Variants in ACSM2A observed in about 807,000 individuals in gnomAD.
ACSM2A encodes acyl-coenzyme A synthetase ACSM2A, mitochondrial.
Under a neutral mutation model 76.6 loss-of-function variants are expected in ACSM2A, and 72 were observed. The observed-to-expected ratio is 0.94, with a 90% CI of 0.78 to 1.14. ACSM2A has a LOEUF of 1.14. Ranked by LOEUF, ACSM2A falls within the 50% of genes most tolerant of loss-of-function variation. The probability of loss-of-function intolerance (pLI) is 0.00; values close to 1 mark genes in which losing one functional copy is unlikely to be tolerated. For missense variants in ACSM2A, 684 were observed against 708.5 expected (o/e 0.97, Z 0.39); for synonymous variants, 249 against 255.9 (o/e 0.97, Z 0.26).
intron 1 of ACSM2A, among the ~76,000 whole-genome samples, chr16:20,456,854 C>A (rs984189387): frequency 1.4e-5 from 2 of 146,020 alleles, no homozygotes; most frequent in South Asian, 2.2e-4. Flanking sequence ...ATAAATGAAA[C>A]AAAATCTGGT....
At chr16:20,464,671 T>G (rs1253322414) in intron 2 of ACSM2A, among the ~76,000 whole-genome samples, 1 of 152,132 alleles carries the variant, frequency 6.6e-6, no homozygotes, top group African/African-American at 2.4e-5. Flanking sequence ...CATTGGGGAT[T>G]GCATTTCAAC....
At chr16:20,469,870 G>T (rs1596657089) in intron 4 of ACSM2A, 151 bp downstream of exon 4, 62 of 616,344 alleles carry the variant, frequency 1.0e-4, no homozygotes, top group Non-Finnish European at 1.3e-4. Context: ...TAACACAAGG[G>T]TATTTTTTTT....
At position 20,480,833 on chromosome 16, in the gene ACSM2A, G is replaced by C; in HGVS notation, c.1421G>C (p.Gly474Ala). 1 of 1,613,948 alleles carries C rather than the reference G, an allele frequency of 6.2e-7. No individual in the cohort carries two copies. The highest frequency in any genetic ancestry group is 8.5e-7 in the Non-Finnish European group (1 of 1,179,866). The change falls in exon 12 of 14, where the codon GGA becomes GCA. Residue 474 changes from glycine (G) to alanine (A), a missense_variant. This residue lies in a region of ACSM2A where 159 missense variants were observed against 132.5 expected (regional missense o/e 1.20). Coordinates refer to ENST00000573854, the MANE Select transcript of ACSM2A (RefSeq NM_001308172.2). ...DIINSSGYRI[G>A]PSEVENALME... ...AGGTTCTTCTGCAGGTACCGGATTG[G>C]ACCCTCGGAGGTAGAGAATGCACTG...
chr16:20,455,093 A>G (rs952125361), intron 1 of ACSM2A, among the ~76,000 whole-genome samples: 1 of 125,824 alleles, frequency 7.9e-6, no homozygotes, highest in Non-Finnish European at 1.6e-5. Flanking sequence ...AATCCAACAA[A>G]GACAAAGAAA....
chr16:20,467,829 A>G (rs1169516019), intron 3 of ACSM2A, among the ~76,000 whole-genome samples: 2 of 152,182 alleles, frequency 1.3e-5, no homozygotes, highest in African/African-American at 2.4e-5. Flanking sequence ...AGAATCATCA[A>G]CTTTTACATT....
intron 8 of ACSM2A, chr16:20,476,334 C>A (rs1175601135): frequency 6.1e-6 from 6 of 975,822 alleles, no homozygotes; most frequent in African/African-American, 5.3e-5. Context: ...ATGGGGAATA[C>A]TTTTCCCCAA....
chr16:20,456,408 C>T (rs963074320), intron 1 of ACSM2A, among the ~76,000 whole-genome samples: 1 of 144,196 alleles, frequency 6.9e-6, no homozygotes. Flanking sequence ...GGCCACAAAA[C>T]AAGTCTCAAT....
In ACSM2A at chr16:20,465,517, G is replaced by A. The variant is rs750212713; in HGVS notation, c.178G>A (p.Ala60Thr). ...ATCAACAGGGCTTCTCTTTCCTCAG[G>A]CTGGCAAGCGACTCCCAAGCCCAGC... ...VLDHWADMEK[A>T]GKRLPSPALW... Residue 60 changes from alanine (A) to threonine (T), a missense_variant and splice_region_variant, in exon 3 of 14, where the codon GCT becomes ACT. Around this residue, in one of 3 missense-constraint regions of ACSM2A, gnomAD observed 519 missense variants for 549.5 expected, o/e 0.94. Transcript: ENST00000573854. 4 of 1,613,844 alleles carry A rather than the reference G, an allele frequency of 2.5e-6. No individual in the cohort carries two copies. The East Asian group carries it at 6.7e-5, about 27-fold the overall frequency.
chr16:20,469,867 AG>A (rs2013270554), intron 4 of ACSM2A, 148 bp downstream of exon 4: 66 of 869,268 alleles, frequency 7.6e-5, no homozygotes, highest in East Asian at 5.3e-4. Context: ...AGCTAACACA[AG>A]GGTATTTTTT....
At chr16:20,458,899 T>C (rs1450893598) in intron 1 of ACSM2A, among the ~76,000 whole-genome samples, 2 of 52,012 alleles carry the variant, frequency 3.8e-5, no homozygotes, top group Non-Finnish European at 6.1e-5. Flanking sequence ...ATATTATATA[T>C]ATATGCATAT....
At position 20,485,668 on chromosome 16, in the gene ACSM2A, C is replaced by G. The variant is rs371060601; in HGVS notation, c.1630-906C>G. Among the ~76,000 whole-genome samples the G allele has an allele frequency of 7.5e-3, 1,148 of 152,314 alleles. 9 individuals are homozygous for G. The highest frequency in any genetic ancestry group is 0.024 in the Middle Eastern group (7 of 294). On this transcript the variant is annotated intron_variant, in intron 13 of 13. Transcript: ENST00000573854. ...TGCAGGCCATAGTTTGCTGACCTCT[C>G]CTCCATTTCATTGTGTTTTGAACAA...
At chr16:20,451,823 G>T (rs2011768515) in intron 1 of ACSM2A, 142 bp downstream of exon 1, 1 of 140,790 alleles carries the variant, frequency 7.1e-6, no homozygotes, top group Non-Finnish European at 1.5e-5. Flanking sequence ...GACAGTACCT[G>T]CCAAGTCTTA....
At chr16:20,462,760 A>G (rs1461137984) in intron 2 of ACSM2A, among the ~76,000 whole-genome samples, 1 of 152,084 alleles carries the variant, frequency 6.6e-6, no homozygotes, top group Admixed American at 6.6e-5. Context: ...ATGGAAAGCA[A>G]TATAACATTT....
intron 6 of ACSM2A, among the ~76,000 whole-genome samples, chr16:20,473,360 A>C (rs890043054): frequency 6.6e-6 from 1 of 152,210 alleles, no homozygotes; most frequent in African/African-American, 2.4e-5. Flanking sequence ...CAGACATAAA[A>C]TTATAAAGCC....
intron 6 of ACSM2A, among the ~76,000 whole-genome samples, chr16:20,475,128 A>G (rs369701331): frequency 2.6e-5 from 4 of 152,296 alleles, no homozygotes; most frequent in African/African-American, 9.6e-5. Flanking sequence ...AAATGTTTCA[A>G]ATTAGCCTTA....
At chr16:20,474,393 T>G (rs1025386231) in intron 6 of ACSM2A, among the ~76,000 whole-genome samples, 1 of 152,116 alleles carries the variant, frequency 6.6e-6, no homozygotes, top group East Asian at 1.9e-4. Flanking sequence ...AAGCCAGTTT[T>G]GCTCTACCTC....
Position 20,486,599 on chromosome 16 carries a change from A to G in ACSM2A, c.1655A>G (p.Lys552Arg), listed in dbSNP as rs181555433. The G allele has an allele frequency of 1.9e-6, 3 of 1,614,168 alleles. No individual in the cohort carries two copies. The Admixed American group carries it at 5.0e-5, about 27-fold the overall frequency. The change falls in exon 14 of 14, where the codon AAG becomes AGG. Residue 552 changes from lysine (K) to arginine (R), a missense_variant. Physicochemically the swap from Lys to Arg is conservative, Grantham distance 26 (BLOSUM62 2). Transcript: ENST00000573854. ...RKIEFVLNLP[K>R]TVTGKIQRAK... The stretch of plus-strand genomic sequence containing the variant: ...ATAGAGTTTGTCTTGAACCTGCCCA[A>G]GACTGTCACAGGGAAAATTCAACGA...
In ACSM2A at chr16:20,460,137, A is replaced by G; in HGVS notation, c.23A>G (p.Gln8Arg). MHWLRKV[Q>R]GLCTLWGTQM... ...AATATGCATTGGCTGCGAAAAGTTCAGGGACTTTGCACCCTGTGGGGTACT... is the reference window on the plus strand; with the variant it reads ...AATATGCATTGGCTGCGAAAAGTTCGGGGACTTTGCACCCTGTGGGGTACT... The change falls in exon 2 of 14, where the codon CAG (glutamine) becomes CGG (arginine). Residue 8 changes from glutamine to arginine, a missense_variant. Around this residue, in one of 3 missense-constraint regions of ACSM2A, gnomAD observed 519 missense variants for 549.5 expected, o/e 0.94. Transcript: ENST00000573854. The G allele has an allele frequency of 6.2e-7, 1 of 1,611,730 alleles. No homozygotes were observed. Among genetic ancestry groups the G allele is most frequent in the Non-Finnish European group, 8.5e-7 (1 of 1,178,554 alleles).
At chr16:20,477,300 A>G in intron 8 of ACSM2A, 69 bp from the exon 9 acceptor site, 1 of 1,569,336 alleles carries the variant, frequency 6.4e-7, no homozygotes, top group Middle Eastern at 1.7e-4. Flanking sequence ...GCTCTGCAGA[A>G]ATTTTTTCTT....
Sources: allele counts gnomAD v4.1 joint callset (sites outside exome capture counted in the v4.1 genomes callset), GRCh38; gene constraint gnomAD v4.1.1; regional missense constraint gnomAD v4.1.1; transcripts MANE v1.5; gene names NCBI Gene and HGNC (gene_info 2026-07-23, HGNC 2026-07-21).